UNC80: variants seen among roughly 807,000 people sequenced by gnomAD.
The protein encoded by UNC80 is protein unc-80 homolog.
UNC80 carries 164 observed loss-of-function variants against 384.6 expected under a neutral mutation model. That is an observed-to-expected ratio of 0.43 (90% confidence interval 0.38 to 0.49). The LOEUF is 0.49. UNC80 is among the 20% of genes least tolerant of loss of function. UNC80 has a pLI of 0.00. For missense variants in UNC80, 3,330 were observed against 4,143.0 expected (o/e 0.80, Z 5.39); for synonymous variants, 1,486 against 1,527.8 (o/e 0.97, Z 0.64).
intron 47 of UNC80, among the ~76,000 whole-genome samples, chr2:209,951,234 A>G (rs1290034902): frequency 6.6e-6 from 1 of 152,120 alleles, no homozygotes; most frequent in Non-Finnish European, 1.5e-5. Context: ...CTGACTTATC[A>G]TATCTGTTGA....
intron 7 of UNC80, among the ~76,000 whole-genome samples, chr2:209,800,447 C>G (rs182708129): frequency 6.7e-6 from 1 of 148,994 alleles, no homozygotes; most frequent in Admixed American, 6.7e-5. Context: ...ATTCTTCTCT[C>G]TCTTCTTTAT....
chr2:209,916,472 T>C (rs2089548222), intron 31 of UNC80, among the ~76,000 whole-genome samples: 1 of 152,204 alleles, frequency 6.6e-6, no homozygotes, highest in South Asian at 2.1e-4. Flanking sequence ...GAGATTATGA[T>C]AGAACTCTGC....
At position 209,833,176 on chromosome 2, in the gene UNC80, C is replaced by T. The variant is rs139559281; in HGVS notation, c.2776-826C>T. On this transcript the variant is annotated intron_variant, in intron 16 of 64. Transcript: ENST00000673920. ...CTTCTACTTTCCTAAAAATTATGGACATAATTGTCCCAGTGGTCTCAGGTT... is the reference window on the plus strand; with the variant it reads ...CTTCTACTTTCCTAAAAATTATGGATATAATTGTCCCAGTGGTCTCAGGTT... Among the ~76,000 whole-genome samples the T allele has an allele frequency of 3.3e-5, 5 of 149,596 alleles. No homozygotes were observed. In the East Asian group the frequency reaches 1.0e-3, roughly 30 times the overall value.
intron 31 of UNC80, among the ~76,000 whole-genome samples, chr2:209,916,072 G>T (rs1452690103): frequency 6.6e-6 from 1 of 152,092 alleles, no homozygotes; most frequent in African/African-American, 2.4e-5. Context: ...AGATGAAGGA[G>T]AGTTGGTAAT....
intron 4 of UNC80, among the ~76,000 whole-genome samples, chr2:209,779,697 T>G (rs771321093): frequency 6.6e-6 from 1 of 152,198 alleles, no homozygotes; most frequent in Non-Finnish European, 1.5e-5. Context: ...CTTGTCATTA[T>G]TGGAAGCTGA....
intron 22 of UNC80, among the ~76,000 whole-genome samples, chr2:209,852,244 A>G (rs1426167127): frequency 6.6e-6 from 1 of 152,008 alleles, no homozygotes; most frequent in African/African-American, 2.4e-5. Context: ...GGTCAAGGTC[A>G]AGCTGTGTGT....
intron 48 of UNC80, among the ~76,000 whole-genome samples, chr2:209,955,887 G>T (rs1486851722): frequency 6.6e-6 from 1 of 151,076 alleles, no homozygotes; most frequent in African/African-American, 2.4e-5. Context: ...GGGATTATAG[G>T]CATGCACCAC....
At chr2:209,801,021 A>G (rs1307877788) in intron 7 of UNC80, among the ~76,000 whole-genome samples, 1 of 151,772 alleles carries the variant, frequency 6.6e-6, no homozygotes, top group East Asian at 1.9e-4. Flanking sequence ...GAGAAGAATG[A>G]ATATTCTGTT....
intron 14 of UNC80, among the ~76,000 whole-genome samples, chr2:209,828,523 A>G (rs997708284): frequency 1.3e-5 from 2 of 151,952 alleles, no homozygotes; most frequent in African/African-American, 4.8e-5. Flanking sequence ...TTCTCTCTCA[A>G]AATTTCCAAG....
chr2:209,904,699 A>G lies in UNC80; in HGVS notation c.4582-66A>G. 16 of 1,386,662 alleles carry G rather than the reference A, an allele frequency of 1.2e-5. No homozygotes were observed. The South Asian group carries it at 1.9e-4, about 16-fold the overall frequency. 85.9% of individuals were successfully genotyped at this position (1,386,662 alleles called of 1,614,324 possible). A position where few individuals can be genotyped will look rare whatever the true frequency, so the allele number is the denominator to read the frequency against. ...ATTCTGACTTCCCATCTTCCACCCC[A>G]TAGATATGTTCAGTTTATCTGTACC... On this transcript the variant is annotated intron_variant, in intron 28 of 64. Transcript: ENST00000673920.
chr2:209,836,683 T>C (rs2081357132), intron 18 of UNC80, among the ~76,000 whole-genome samples: 1 of 152,202 alleles, frequency 6.6e-6, no homozygotes, highest in African/African-American at 2.4e-5. Flanking sequence ...ATGTCAAATG[T>C]CCCCTAGTTA....
rs1204284414 is a variant in UNC80, at chr2:209,813,851, A to G, written c.1200+10A>G. 3 of 1,548,164 alleles carry G rather than the reference A, an allele frequency of 1.9e-6. No homozygotes were observed. The highest frequency in any genetic ancestry group is 2.7e-5 in the African/African-American group (2 of 72,734). On this transcript the variant is annotated intron_variant, in intron 8 of 64. Transcript: ENST00000673920. ...CACCCACAAAACCCAAGTAAGAAAA[A>G]CCCGGTTCATTGTCATTCAAACCAG...
intron 18 of UNC80, among the ~76,000 whole-genome samples, chr2:209,837,521 TC>T (rs959069062): frequency 6.6e-6 from 1 of 152,180 alleles, no homozygotes; most frequent in African/African-American, 2.4e-5. Flanking sequence ...TGTACTTTTT[TC>T]CCCCAATTAA....
At chr2:209,873,821 A>G (rs966600123) in intron 23 of UNC80, among the ~76,000 whole-genome samples, 1 of 152,204 alleles carries the variant, frequency 6.6e-6, no homozygotes, top group Non-Finnish European at 1.5e-5. Context: ...AGTTTTACCC[A>G]TATCTTTTTT....
intron 42 of UNC80, among the ~76,000 whole-genome samples, chr2:209,939,206 T>C (rs1035760455): frequency 1.7e-4 from 26 of 152,308 alleles, no homozygotes; most frequent in African/African-American, 6.3e-4. Context: ...TGACAATGCT[T>C]GCCTTATGCT....
At chr2:209,950,615 A>G (rs1468851384) in intron 47 of UNC80, among the ~76,000 whole-genome samples, 3 of 148,606 alleles carry the variant, frequency 2.0e-5, no homozygotes, top group South Asian at 4.2e-4. Context: ...CTGGAGTGCA[A>G]TGGCACAATC....
At chr2:209,958,380 T>A (rs928635174) in intron 49 of UNC80, among the ~76,000 whole-genome samples, 2 of 152,198 alleles carry the variant, frequency 1.3e-5, no homozygotes, top group African/African-American at 4.8e-5. Context: ...AAAGTTCTTT[T>A]CCCAGTATGG....
chr2:209,962,988 G>A (rs2092641166), intron 51 of UNC80, among the ~76,000 whole-genome samples: 2 of 152,208 alleles, frequency 1.3e-5, no homozygotes. Flanking sequence ...TATAAAAAAT[G>A]CAAATGTTTG....
intron 16 of UNC80, 77 bp downstream of exon 16, chr2:209,831,668 G>A: frequency 2.2e-6 from 3 of 1,357,454 alleles, no homozygotes; most frequent in South Asian, 1.9e-5. Flanking sequence ...GTGGCCATGA[G>A]TAAGAGAAGC....
Sources: gnomAD v4.1 joint callset for allele counts (sites outside exome capture counted in the v4.1 genomes callset) on GRCh38, gnomAD v4.1.1 for gene constraint, MANE v1.5 for transcripts, NCBI Gene and HGNC (gene_info 2026-07-23, HGNC 2026-07-21) for gene names.